The following EDA variants were observed in gnomAD, a reference collection of about 807,000 sequenced individuals.
EDA encodes ectodysplasin A.
EDA carries 2 observed loss-of-function variants against 23.6 expected under a neutral mutation model. That is an observed-to-expected ratio of 0.08 (90% CI 0.03 to 0.27). The LOEUF (loss-of-function observed/expected upper bound fraction) is 0.27. EDA is among the 10% of genes least tolerant of loss of function. The pLI is 1.00. For missense variants in EDA, 229 were observed against 324.2 expected (o/e 0.71, Z 2.26); for synonymous variants, 131 against 132.0 (o/e 0.99, Z 0.05).
chrX:69,883,438 A>G (rs1159256967), intron 1 of EDA, among the ~76,000 whole-genome samples: 1 of 111,936 alleles, frequency 8.9e-6, no homozygotes, highest in Non-Finnish European at 1.9e-5. Context: ...GGGCAGATGA[A>G]TTCTAGAAAT....
At chrX:69,864,065 C>G (rs1472176294) in intron 1 of EDA, among the ~76,000 whole-genome samples, 9 of 111,461 alleles carry the variant, frequency 8.1e-5, no homozygotes, top group Non-Finnish European at 1.5e-4. Flanking sequence ...CTCTCTCTCT[C>G]TCAGTGTTGT....
chrX:69,702,072 G>A (rs1388086790), intron 1 of EDA, among the ~76,000 whole-genome samples: 3 of 111,654 alleles, frequency 2.7e-5, no homozygotes, highest in Non-Finnish European at 5.6e-5. Context: ...AAGAGGTAGG[G>A]TCTTCTGGAA....
At chrX:69,632,354 ACT>A (rs747991661) in intron 1 of EDA, among the ~76,000 whole-genome samples, 2 of 110,586 alleles carry the variant, frequency 1.8e-5, no homozygotes, top group African/African-American at 3.3e-5. Flanking sequence ...AAGTCTCTTG[ACT>A]CTCTGTCCCC....
At chrX:69,757,588 A>C (rs1428194771) in intron 1 of EDA, among the ~76,000 whole-genome samples, 2 of 112,429 alleles carry the variant, frequency 1.8e-5, no homozygotes, top group African/African-American at 6.5e-5. Context: ...AGCAGATACT[A>C]TGTTAGCTGC....
intron 1 of EDA, among the ~76,000 whole-genome samples, chrX:69,797,158 T>C (rs1222313633): frequency 9.0e-6 from 1 of 111,203 alleles, no homozygotes; most frequent in Non-Finnish European, 1.9e-5. Context: ...AGAAAATGCA[T>C]TTAGCAAAAC....
intron 1 of EDA, among the ~76,000 whole-genome samples, chrX:69,729,338 C>A (rs1397689676): frequency 9.0e-6 from 1 of 111,017 alleles, no homozygotes; most frequent in Non-Finnish European, 1.9e-5. Context: ...TCCTCTTTCC[C>A]ACCAAAGGAC....
intron 1 of EDA, among the ~76,000 whole-genome samples, chrX:69,848,000 C>T (rs1012751023): frequency 2.7e-5 from 3 of 111,831 alleles, no homozygotes; most frequent in African/African-American, 9.8e-5. Flanking sequence ...TTTACTAGCA[C>T]TTGGTATTGT....
At chrX:69,632,076 T>C (rs944280252) in intron 1 of EDA, among the ~76,000 whole-genome samples, 2 of 112,417 alleles carry the variant, frequency 1.8e-5, no homozygotes, top group Non-Finnish European at 3.8e-5. Flanking sequence ...AGCTTTCATT[T>C]CCTTTTCCTA....
chrX:69,956,603 CA>C (rs750529551), intron 1 of EDA, among the ~76,000 whole-genome samples: 107 of 111,177 alleles, frequency 9.6e-4, no homozygotes, highest in Admixed American at 2.7e-3. Context: ...CTCGGCCTCC[CA>C]AAGTGCTGGG....
At chrX:69,942,295 T>C (rs1044837351) in intron 1 of EDA, among the ~76,000 whole-genome samples, 1 of 111,602 alleles carries the variant, frequency 9.0e-6, no homozygotes, top group African/African-American at 3.3e-5. Flanking sequence ...GTTTCGTATG[T>C]GCAGGTGATT....
At chrX:70,030,444 C>T (rs2020182195) in intron 5 of EDA, 25 bp from the exon 6 acceptor site, 2 of 1,186,212 alleles carry the variant, frequency 1.7e-6, no homozygotes, top group East Asian at 6.0e-5. Context: ...ATAGTGACTA[C>T]TCTCTATCCT....
intron 1 of EDA, among the ~76,000 whole-genome samples, chrX:69,681,708 T>C (rs1452647330): frequency 9.1e-6 from 1 of 110,494 alleles, no homozygotes; most frequent in Non-Finnish European, 1.9e-5. Flanking sequence ...TTGGTTATTC[T>C]AGTTATACAT....
chrX:69,923,111 T>A (rs2018460028), intron 1 of EDA, among the ~76,000 whole-genome samples: 3 of 111,750 alleles, frequency 2.7e-5, no homozygotes, highest in African/African-American at 9.7e-5. Flanking sequence ...CCAATGTGAC[T>A]AGCGGATAAA....
intron 1 of EDA, among the ~76,000 whole-genome samples, chrX:69,701,562 TAAG>T (rs1202853119): frequency 8.9e-6 from 1 of 111,750 alleles, no homozygotes; most frequent in African/African-American, 3.3e-5. Flanking sequence ...AAGGCAAAAT[TAAG>T]AAGGTCTTGT....
At chrX:69,666,512 G>A (rs776711222) in intron 1 of EDA, among the ~76,000 whole-genome samples, 1 of 112,326 alleles carries the variant, frequency 8.9e-6, no homozygotes, top group South Asian at 3.7e-4. Flanking sequence ...AAGGATGTTG[G>A]GCTTTTTTGA....
chrX:69,720,236 A>G (rs2012530047), intron 1 of EDA, among the ~76,000 whole-genome samples: 1 of 111,954 alleles, frequency 8.9e-6, no homozygotes. Flanking sequence ...GGCCTTTACA[A>G]TTTCAGAACA....
At chrX:69,825,900 C>A (rs778833822) in intron 1 of EDA, among the ~76,000 whole-genome samples, 1 of 109,268 alleles carries the variant, frequency 9.2e-6, no homozygotes, top group South Asian at 4.2e-4. Flanking sequence ...TATGTTGTGT[C>A]TTTGTTCTCG....
intron 1 of EDA, among the ~76,000 whole-genome samples, chrX:69,636,991 A>G (rs181370652): frequency 3.5e-4 from 39 of 111,234 alleles, no homozygotes; most frequent in Non-Finnish European, 6.6e-4. Context: ...GCCCTGGGAA[A>G]TCACACAATA....
At chrX:69,890,918 G>A (rs1000175398) in intron 1 of EDA, among the ~76,000 whole-genome samples, 4 of 111,506 alleles carry the variant, frequency 3.6e-5, no homozygotes, top group Admixed American at 9.5e-5. Context: ...AAGAGCTTCT[G>A]CACAGCAAAA....
Sources: allele counts gnomAD v4.1 joint callset (sites outside exome capture counted in the v4.1 genomes callset), GRCh38; gene constraint gnomAD v4.1.1; transcripts MANE v1.5; gene names NCBI Gene and HGNC (gene_info 2026-07-23, HGNC 2026-07-21).